SMAP1: variants seen among roughly 807,000 people sequenced by gnomAD.
SMAP1 encodes stromal membrane-associated protein 1.
In SMAP1, 24 loss-of-function variants were observed where a neutral mutation model predicts 58.5. That is an observed-to-expected ratio of 0.41 (90% confidence interval 0.30 to 0.58). SMAP1 has a LOEUF of 0.58. Among genes scored for constraint, SMAP1 ranks in the 20% least tolerant of loss-of-function variants. The pLI, the probability that SMAP1 is intolerant of heterozygous loss-of-function variation, is 0.29. For missense variants in SMAP1, 563 were observed against 566.3 expected (o/e 0.99, Z 0.06); for synonymous variants, 216 against 196.6 (o/e 1.10, Z -0.82).
chr6:70,691,545 A>G (rs1217340195), intron 1 of SMAP1, among the ~76,000 whole-genome samples: 1 of 152,072 alleles, frequency 6.6e-6, no homozygotes, highest in Non-Finnish European at 1.5e-5. Flanking sequence ...ACTAGATCTT[A>G]CTCATTCTAA....
At chr6:70,767,159 A>G (rs1487686588) in intron 3 of SMAP1, among the ~76,000 whole-genome samples, 1 of 151,990 alleles carries the variant, frequency 6.6e-6, no homozygotes, top group Non-Finnish European at 1.5e-5. Context: ...GCCTTGTAGT[A>G]TAGTTTGAAG....
intron 3 of SMAP1, among the ~76,000 whole-genome samples, chr6:70,758,136 A>G (rs1206433838): frequency 6.6e-6 from 1 of 150,450 alleles, no homozygotes; most frequent in African/African-American, 2.4e-5. Flanking sequence ...TCCAACAATG[A>G]TAGACTGGAT....
intron 1 of SMAP1, among the ~76,000 whole-genome samples, chr6:70,707,262 C>T (rs1767878055): frequency 6.6e-6 from 1 of 152,036 alleles, no homozygotes; most frequent in South Asian, 2.1e-4. Flanking sequence ...CACTTGTGTC[C>T]ATTCTTTCTC....
At chr6:70,787,273 CCTTACA>C (rs1369560605) in intron 4 of SMAP1, among the ~76,000 whole-genome samples, 2 of 152,258 alleles carry the variant, frequency 1.3e-5, no homozygotes, top group Admixed American at 1.3e-4. Context: ...TGGATCCCTT[CCTTACA>C]CCTTATACAA....
chr6:70,803,647 C>T, intron 6 of SMAP1, among the ~76,000 whole-genome samples: 1 of 152,262 alleles, frequency 6.6e-6, no homozygotes, highest in Non-Finnish European at 1.5e-5. Context: ...TATAAATTTC[C>T]CTCTACACAC....
At chr6:70,727,167 G>A (rs1471004373) in intron 1 of SMAP1, among the ~76,000 whole-genome samples, 1 of 151,910 alleles carries the variant, frequency 6.6e-6, no homozygotes, top group Non-Finnish European at 1.5e-5. Context: ...GAGTGAATTG[G>A]CAGGGTCTCG....
At chr6:70,668,413 G>A in intron 1 of SMAP1, 1 of 1,087,684 alleles carries the variant, frequency 9.2e-7, no homozygotes, top group Non-Finnish European at 1.3e-6. Flanking sequence ...CCAGGGTAGC[G>A]ATGCTCGGAC....
chr6:70,814,773 T>C (rs1465232007), intron 6 of SMAP1, among the ~76,000 whole-genome samples: 1 of 152,156 alleles, frequency 6.6e-6, no homozygotes, highest in Admixed American at 6.6e-5. Flanking sequence ...AAGGATTTGG[T>C]CTGACAGTTT....
intron 4 of SMAP1, among the ~76,000 whole-genome samples, chr6:70,773,677 A>G (rs1767426902): frequency 1.3e-5 from 2 of 152,180 alleles, no homozygotes; most frequent in South Asian, 4.1e-4. Context: ...AATTTGCAAA[A>G]AAGCTAGAAC....
At chr6:70,788,312 A>C (rs9455227) in intron 4 of SMAP1, among the ~76,000 whole-genome samples, 3 of 57,632 alleles carry the variant, frequency 5.2e-5, no homozygotes, top group African/African-American at 1.5e-4. Context: ...GGGTGGGGGG[A>C]GGGGGGAGGG....
chr6:70,861,984 TG>T lies in SMAP1; in HGVS notation c.*1651del. 1 of 1,567,996 alleles carries T rather than the reference TG, an allele frequency of 6.4e-7. No individual in the cohort carries two copies. Among genetic ancestry groups the T allele is most frequent in the Admixed American group, 2.1e-5 (1 of 48,592 alleles). On this transcript the variant is annotated 3_prime_UTR_variant, in exon 11 of 11. Coordinates refer to ENST00000370455, the MANE Select transcript of SMAP1 (RefSeq NM_001044305.3). ...TTGAAGACTTACAGCAAATCCTTTG[TG>T]AAAAATAAAAAAAAAAAAGAGACTT...
At chr6:70,757,676 A>G (rs2149892698) in intron 3 of SMAP1, among the ~76,000 whole-genome samples, 1 of 152,292 alleles carries the variant, frequency 6.6e-6, no homozygotes, top group African/African-American at 2.4e-5. Flanking sequence ...TTTACAAGAA[A>G]AAAACAAACA....
At chr6:70,685,228 G>C (rs2128553422) in intron 1 of SMAP1, among the ~76,000 whole-genome samples, 1 of 151,908 alleles carries the variant, frequency 6.6e-6, no homozygotes, top group South Asian at 2.1e-4. Flanking sequence ...GAGATTCTGA[G>C]ACTAGACCAG....
At chr6:70,833,608 G>A (rs570993446) in intron 6 of SMAP1, among the ~76,000 whole-genome samples, 10 of 152,272 alleles carry the variant, frequency 6.6e-5, no homozygotes, top group East Asian at 1.9e-4. Flanking sequence ...TAGGAGCAAA[G>A]GAGCAGACTG....
intron 10 of SMAP1, chr6:70,859,303 G>GAGTT (rs1562208032): frequency 1.3e-6 from 2 of 1,515,818 alleles, no homozygotes; most frequent in Admixed American, 2.1e-5. Flanking sequence ...AACCAGGAAG[G>GAGTT]AGTTAATACT....
intron 4 of SMAP1, among the ~76,000 whole-genome samples, chr6:70,777,381 C>T (rs549938700): frequency 1.3e-5 from 2 of 152,162 alleles, no homozygotes; most frequent in East Asian, 3.9e-4. Flanking sequence ...TTGATTTGAC[C>T]TTTTTTATGT....
chr6:70,710,923 G>A (rs1768032426), intron 1 of SMAP1, among the ~76,000 whole-genome samples: 1 of 151,832 alleles, frequency 6.6e-6, no homozygotes, highest in Non-Finnish European at 1.5e-5. Flanking sequence ...ATTAGCCTAG[G>A]ACTCCACAGG....
intron 1 of SMAP1, among the ~76,000 whole-genome samples, chr6:70,689,112 T>A (rs1767052409): frequency 6.6e-6 from 1 of 151,974 alleles, no homozygotes; most frequent in Non-Finnish European, 1.5e-5. Flanking sequence ...CAAGTGATTC[T>A]CATGTCATGC....
intron 4 of SMAP1, among the ~76,000 whole-genome samples, chr6:70,784,572 GAC>G (rs1319692425): frequency 6.6e-6 from 1 of 152,132 alleles, no homozygotes; most frequent in Non-Finnish European, 1.5e-5. Flanking sequence ...CACATGCAGA[GAC>G]ACACATAGGC....
Sources: allele counts gnomAD v4.1 joint callset (sites outside exome capture counted in the v4.1 genomes callset), GRCh38; gene constraint gnomAD v4.1.1; transcripts MANE v1.5; gene names NCBI Gene and HGNC (gene_info 2026-07-23, HGNC 2026-07-21).